Variants in BRIP1 observed in about 807,000 individuals in gnomAD.
The protein encoded by BRIP1 is BRCA1 interacting DNA helicase 1, also known as Fanconi anemia group J protein.
Under a neutral mutation model 119.7 loss-of-function variants are expected in BRIP1, and 88 were observed. That is an observed-to-expected ratio of 0.74 (90% confidence interval 0.62 to 0.88). The LOEUF is 0.88. BRIP1 is among the 40% of genes least tolerant of loss of function. The pLI is 0.00. For synonymous variants in BRIP1, 443 were observed against 496.5 expected (o/e 0.89, Z 1.43); for missense variants, 1,259 against 1,455.4 (o/e 0.87, Z 2.20).
Position 61,731,357 on chromosome 17 carries a change from T to C in BRIP1, c.2379+11656A>G, listed in dbSNP as rs113789760. Among the ~76,000 whole-genome samples, 31 of 152,322 alleles carry C rather than the reference T, an allele frequency of 2.0e-4. No individual in the cohort carries two copies. Among genetic ancestry groups the C allele is most frequent in the African/African-American group, 6.7e-4 (28 of 41,576 alleles). On this transcript the variant is annotated intron_variant, in intron 16 of 19. Coordinates refer to ENST00000259008, the MANE Select transcript of BRIP1 (RefSeq NM_032043.3). ...AGCTATATCCAGGTGGGTCTCTGTA[T>C]CAGATGCAACACTATAACCAGAAGT...
rs2077006255 is a variant in BRIP1 at position 61,743,040 on chromosome 17, A to T, written c.2352T>A (p.Ile784=). ...GTAGATCTTTCACATTTGGAAAAGG[A>T]ATTCCTATTGTTATGACAGCACGGG... ...DNARAVITIG[I]PFPNVKDLQV... Residue 784 remains isoleucine, a synonymous_variant, in exon 16 of 20, where the codon ATT becomes ATA. Transcript: ENST00000259008. This position sits in a 1 kb window ranked among gnomAD's most constrained non-coding sequence, Gnocchi z 4.3. 2.5e-6 allele frequency: 4 copies of T among 1,614,002 alleles called. No individual in the cohort carries two copies. Among genetic ancestry groups the T allele is most frequent in the Non-Finnish European group, 3.4e-6 (4 of 1,179,926 alleles).
At chr17:61,765,383 A>AT (rs1362608303) in intron 14 of BRIP1, among the ~76,000 whole-genome samples, 2 of 22,836 alleles carry the variant, frequency 8.8e-5, no homozygotes, top group African/African-American at 1.8e-4. Context: ...TATATATTAT[A>AT]TATATATATA....
chr17:61,741,371 T>A (rs2076984464), intron 16 of BRIP1, among the ~76,000 whole-genome samples: 1 of 152,214 alleles, frequency 6.6e-6, no homozygotes, highest in African/African-American at 2.4e-5. Context: ...AGTGTTGATA[T>A]TCTGACCTCC....
rs146031731 is a variant in BRIP1 at position 61,693,442 on chromosome 17, G to T, written c.2563C>A (p.Arg855Ser). Residue 855 changes from arginine (R) to serine (S), a missense_variant, in exon 18 of 20, where the codon CGC becomes AGC. Around this residue, in one of 3 missense-constraint regions of BRIP1, gnomAD observed 753 missense variants for 891.8 expected, o/e 0.84. Coordinates refer to ENST00000259008, the MANE Select transcript of BRIP1 (RefSeq NM_032043.3). This position sits in a 1 kb window ranked among gnomAD's most constrained non-coding sequence, Gnocchi z 4.2. The part of the protein sequence containing the change: ...VDDRFRNNPS[R>S]YISGLSKWVR... ...GCTGAGATCTTACCAGATATATAGC[G>T]ACTTGGGTTATTCCTAAAGCGATCA... is the stretch of plus-strand genomic sequence containing the variant. 1 of 1,612,986 alleles carries T rather than the reference G, an allele frequency of 6.2e-7. No individual in the cohort carries two copies. Among genetic ancestry groups the T allele is most frequent in the South Asian group, 1.1e-5 (1 of 91,038 alleles).
intron 17 of BRIP1, among the ~76,000 whole-genome samples, chr17:61,698,239 C>T (rs755141384): frequency 1.3e-5 from 2 of 152,088 alleles, no homozygotes; most frequent in Non-Finnish European, 2.9e-5. Context: ...TTCTTTGACC[C>T]ACTGGTTGTT....
In BRIP1 at chr17:61,789,199, C is replaced by T. The variant is rs558234286; in HGVS notation, c.1473+4398G>A. Among the ~76,000 whole-genome samples, 1 of 151,704 alleles carries T rather than the reference C, an allele frequency of 6.6e-6. No individual in the cohort carries two copies. Among genetic ancestry groups the T allele is most frequent in the Non-Finnish European group, 1.5e-5 (1 of 67,924 alleles). On this transcript the variant is annotated intron_variant, in intron 10 of 19. Coordinates refer to ENST00000259008, the MANE Select transcript of BRIP1 (RefSeq NM_032043.3). The surrounding 1 kb of genome is among the most constrained non-coding windows in gnomAD (Gnocchi z 4.8). ...GGAGGATCCCTTAAGACCAGAAATC[C>T]AAGGTTACAGTGAGCTATGAATGCA...
rs1301559046 is a variant in BRIP1 at position 61,823,645 on chromosome 17, GA to G, written c.628-14889del. On this transcript the variant is annotated intron_variant, in intron 6 of 19. Transcript: ENST00000259008. This position sits in a 1 kb window ranked among gnomAD's most constrained non-coding sequence, Gnocchi z 4.8. ...TATACACATAATTGAAGTCTGAAAG[GA>G]AAAAAATGAGTACTTAAGAAAATAT... 6.6e-6 allele frequency among the ~76,000 whole-genome samples: 1 copy of G among 151,634 alleles called. No individual in the cohort carries two copies. Among genetic ancestry groups the G allele is most frequent in the East Asian group, 1.9e-4 (1 of 5,168 alleles).
chr17:61,714,735 AGTTGG>A (rs2061832061), intron 17 of BRIP1, among the ~76,000 whole-genome samples: 1 of 151,498 alleles, frequency 6.6e-6, no homozygotes, highest in African/African-American at 2.4e-5. Context: ...TTAAATGTTT[AGTTGG>A]TGTTAATTCT....
intron 17 of BRIP1, among the ~76,000 whole-genome samples, chr17:61,712,838 A>T (rs1373036971): frequency 1.3e-5 from 2 of 151,534 alleles, no homozygotes; most frequent in Admixed American, 6.6e-5. Context: ...CAGGAGGCAG[A>T]GGTTGCAGTG....
Position 61,693,190 on chromosome 17 carries a change from G to A in BRIP1, c.2575+240C>T, listed in dbSNP as rs570187062. On this transcript the variant is annotated intron_variant, in intron 18 of 19. Coordinates refer to ENST00000259008, the MANE Select transcript of BRIP1 (RefSeq NM_032043.3). This position sits in a 1 kb window ranked among gnomAD's most constrained non-coding sequence, Gnocchi z 4.2. The stretch of plus-strand genomic sequence containing the variant: ...AACTAATAGAAGCAGAAAGTATAGC[G>A]GTGGTTGTCAGTGGACAGGGGGGAG... Among the ~76,000 whole-genome samples the A allele has an allele frequency of 3.4e-4, 52 of 152,270 alleles. No individual in the cohort carries two copies. The highest frequency in any genetic ancestry group is 2.2e-3 in the Admixed American group (34 of 15,294).
At chr17:61,833,799 C>T (rs1035005541) in intron 6 of BRIP1, among the ~76,000 whole-genome samples, 1 of 152,160 alleles carries the variant, frequency 6.6e-6, no homozygotes, top group Non-Finnish European at 1.5e-5. Context: ...ACTCCACTAA[C>T]CTCTGGCCTA....
In BRIP1 at chr17:61,720,851, C is replaced by CT. The variant is rs1055742955; in HGVS notation, c.2380-4789dup. ...TACTCTATAACACTGTTAACTTTTT[C>CT]TTTTTTTTTTGAGACAGAGTCTCGC... On this transcript the variant is annotated intron_variant, in intron 16 of 19. Transcript: ENST00000259008. This position sits in a 1 kb window ranked among gnomAD's most constrained non-coding sequence, Gnocchi z 4.3. Among the ~76,000 whole-genome samples the CT allele has an allele frequency of 7.6e-4, 113 of 149,246 alleles. No homozygotes were observed. Among genetic ancestry groups the CT allele is most frequent in the Admixed American group, 2.6e-3 (39 of 14,984 alleles).
Position 61,708,799 on chromosome 17 carries a change from G to C in BRIP1, c.2492+7152C>G, listed in dbSNP as rs2061731293. On this transcript the variant is annotated intron_variant, in intron 17 of 19. Coordinates refer to ENST00000259008, the MANE Select transcript of BRIP1 (RefSeq NM_032043.3). The surrounding 1 kb of genome is among the most constrained non-coding windows in gnomAD (Gnocchi z 4.4). ...CTATAGGGTAATTTGGCAGGAACTG[G>C]GCCAATTTGTAGATATTTTCTCATG... Among the ~76,000 whole-genome samples the C allele has an allele frequency of 6.6e-6, 1 of 152,082 alleles. No individual in the cohort carries two copies. Among genetic ancestry groups the C allele is most frequent in the Non-Finnish European group, 1.5e-5 (1 of 68,032 alleles).
chr17:61,685,598 G>T (rs1000653624), intron 19 of BRIP1: 6 of 538,532 alleles, frequency 1.1e-5, no homozygotes, highest in East Asian at 6.0e-5. Context: ...ACTTGCTCAT[G>T]ATCACAAAGC....
At chr17:61,785,319 A>C (rs1429183568) in intron 10 of BRIP1, among the ~76,000 whole-genome samples, 1 of 152,200 alleles carries the variant, frequency 6.6e-6, no homozygotes, top group Non-Finnish European at 1.5e-5. Flanking sequence ...AAGTTTTAAT[A>C]TGGATGAAAG....
rs1337294549 is a variant in BRIP1, at chr17:61,780,778, C to G, written c.1794+62G>C. The stretch of plus-strand genomic sequence containing the variant: ...CAACTATCTTTAAAAGAGTCAACCA[C>G]ATTTATTAAAATGCTGGTACTGAGC... On this transcript the variant is annotated intron_variant, in intron 12 of 19. Transcript: ENST00000259008. The surrounding 1 kb of genome is among the most constrained non-coding windows in gnomAD (Gnocchi z 5.4). The G allele has an allele frequency of 6.6e-7, 1 of 1,519,146 alleles. No homozygotes were observed. Among genetic ancestry groups the G allele is most frequent in the East Asian group, 2.3e-5 (1 of 44,434 alleles). The allele number at this position is 1,519,146 out of a possible 1,614,324, so 94.1% of individuals were successfully genotyped here.
chr17:61,827,092 T>TAA lies in BRIP1; in HGVS notation c.628-18337_628-18336dup, dbSNP rs35892107. ...TACACTGTGGAATACTATGTAGCCA[T>TAA]AAAAAAAATGAGACTGTGTCCTTTA... On this transcript the variant is annotated intron_variant, in intron 6 of 19. Coordinates refer to ENST00000259008, the MANE Select transcript of BRIP1 (RefSeq NM_032043.3). The surrounding 1 kb of genome is among the most constrained non-coding windows in gnomAD (Gnocchi z 5.8). 1.1e-4 allele frequency among the ~76,000 whole-genome samples: 17 copies of TAA among 151,872 alleles called. No individual in the cohort carries two copies. The highest frequency in any genetic ancestry group is 4.2e-4 in the South Asian group (2 of 4,806).
rs2077059557 is a variant in BRIP1, at chr17:61,746,503, A to T, written c.2098-1912T>A. On this transcript the variant is annotated intron_variant, in intron 14 of 19. Coordinates refer to ENST00000259008, the MANE Select transcript of BRIP1 (RefSeq NM_032043.3). The surrounding 1 kb of genome is among the most constrained non-coding windows in gnomAD (Gnocchi z 4.9). Reference sequence around the variant, plus strand: ...AAGTGAAGGGATAGAAAAAGATATTACTTATAAATGGTAACCAAAAGACAG... The same window carrying T: ...AAGTGAAGGGATAGAAAAAGATATTTCTTATAAATGGTAACCAAAAGACAG... 6.6e-6 allele frequency among the ~76,000 whole-genome samples: 1 copy of T among 152,142 alleles called. No individual in the cohort carries two copies. Among genetic ancestry groups the T allele is most frequent in the Non-Finnish European group, 1.5e-5 (1 of 67,988 alleles).
intron 6 of BRIP1, among the ~76,000 whole-genome samples, chr17:61,829,936 TTTTC>T (rs1326441049): frequency 1.3e-5 from 2 of 151,968 alleles, no homozygotes; most frequent in Admixed American, 1.3e-4. Context: ...ATCTTTTTTT[TTTTC>T]TTTTTTTTTG....
Sources: gnomAD v4.1 joint callset for allele counts (sites outside exome capture counted in the v4.1 genomes callset) on GRCh38, gnomAD v4.1.1 for gene constraint, gnomAD v4.1.1 regional missense constraint, Gnocchi (gnomAD v3.1) non-coding constraint, MANE v1.5 for transcripts, NCBI Gene and HGNC (gene_info 2026-07-23, HGNC 2026-07-21) for gene names.